HDAC8: variants seen among roughly 807,000 people sequenced by gnomAD.
The protein encoded by HDAC8 is histone deacetylase-like 1.
In HDAC8, 1 loss-of-function variant was observed where a neutral mutation model predicts 32.2. The observed-to-expected ratio is 0.03, with a 90% CI of 0.01 to 0.15. The LOEUF (loss-of-function observed/expected upper bound fraction) is 0.15, where lower values mean the gene tolerates loss of function less well. HDAC8 is among the 10% of genes least tolerant of loss of function. The pLI, the probability that HDAC8 is intolerant of heterozygous loss-of-function variation, is 1.00. For missense variants in HDAC8, 117 were observed against 300.0 expected (o/e 0.39, Z 4.51); for synonymous variants, 108 against 113.9 (o/e 0.95, Z 0.33).
At chrX:72,503,521 T>C (rs2049291061) in intron 4 of HDAC8, among the ~76,000 whole-genome samples, 1 of 112,163 alleles carries the variant, frequency 8.9e-6, no homozygotes. Context: ...TCTCTTACAC[T>C]ATCTATAATT....
intron 9 of HDAC8, among the ~76,000 whole-genome samples, chrX:72,416,561 TA>T (rs782747884): frequency 6.7e-5 from 7 of 104,914 alleles, no homozygotes; most frequent in Non-Finnish European, 1.4e-4. Flanking sequence ...TTCATTATTA[TA>T]ACCTTCCTTC....
chrX:72,525,310 A>C (rs1358087999), intron 4 of HDAC8, among the ~76,000 whole-genome samples: 2 of 110,921 alleles, frequency 1.8e-5, no homozygotes, highest in African/African-American at 6.6e-5. Context: ...GGAGGATAAA[A>C]TCATCGCAGG....
intron 9 of HDAC8, among the ~76,000 whole-genome samples, chrX:72,389,817 C>T (rs2045564129): frequency 9.0e-6 from 1 of 111,502 alleles, no homozygotes; most frequent in Non-Finnish European, 1.9e-5. Flanking sequence ...CAGGAAGCTG[C>T]CACCCTAATA....
intron 9 of HDAC8, among the ~76,000 whole-genome samples, chrX:72,426,769 C>T (rs1046715320): frequency 4.5e-5 from 5 of 110,347 alleles, no homozygotes; most frequent in Non-Finnish European, 5.7e-5. Flanking sequence ...TGTGTTATCC[C>T]GGAATTCATA....
chrX:72,412,906 G>C (rs1264532721), intron 9 of HDAC8, among the ~76,000 whole-genome samples: 1 of 111,941 alleles, frequency 8.9e-6, no homozygotes, highest in African/African-American at 3.2e-5. Flanking sequence ...AAATATGTGA[G>C]TGTGTCTTCA....
At chrX:72,570,975 G>A (rs917190145) in intron 2 of HDAC8, among the ~76,000 whole-genome samples, 1 of 111,757 alleles carries the variant, frequency 8.9e-6, no homozygotes, top group Non-Finnish European at 1.9e-5. Context: ...CCCAGGCTGG[G>A]GTGCAGTGGC....
intron 9 of HDAC8, 40 bp downstream of exon 9, chrX:72,461,964 T>C: frequency 9.7e-7 from 1 of 1,029,924 alleles, no homozygotes; most frequent in South Asian, 1.9e-5. Flanking sequence ...ACTCAGCTCT[T>C]CCCCTTAAAG....
chrX:72,432,393 G>T (rs186508991), intron 9 of HDAC8, among the ~76,000 whole-genome samples: 2 of 110,874 alleles, frequency 1.8e-5, no homozygotes, highest in East Asian at 5.7e-4. Flanking sequence ...GGGCCCCTGA[G>T]GGTCTGGTCC....
intron 9 of HDAC8, among the ~76,000 whole-genome samples, chrX:72,430,606 C>T (rs2046785604): frequency 8.9e-6 from 1 of 112,183 alleles, no homozygotes; most frequent in African/African-American, 3.2e-5. Context: ...TTGTACTTAG[C>T]AACTTGAACA....
In HDAC8 at chrX:72,437,163, A is replaced by G. The variant is rs1238023527; in HGVS notation, c.1005+24841T>C. The stretch of plus-strand genomic sequence containing the variant: ...CTGGCTCATCTCAATGGGACTGGCT[A>G]GACAGTGGGTGCAGCCCACGGAGGG... On this transcript the variant is annotated intron_variant, in intron 9 of 10. Transcript: ENST00000373573. 7.2e-5 allele frequency among the ~76,000 whole-genome samples: 8 copies of G among 111,419 alleles called. 1 individual carries two copies. The highest frequency in any genetic ancestry group is 2.6e-4 in the African/African-American group (8 of 30,608).
At chrX:72,380,226 T>TA (rs1332612249) in intron 9 of HDAC8, among the ~76,000 whole-genome samples, 1 of 111,999 alleles carries the variant, frequency 8.9e-6, no homozygotes, top group East Asian at 2.8e-4. Flanking sequence ...CCACAACTGT[T>TA]ACCTATTACC....
At chrX:72,557,769 A>C (rs1556099698) in intron 4 of HDAC8, among the ~76,000 whole-genome samples, 1 of 111,758 alleles carries the variant, frequency 8.9e-6, no homozygotes, top group Non-Finnish European at 1.9e-5. Context: ...AAACAAACAA[A>C]AAAATACAAA....
chrX:72,533,433 A>G (rs945426451), intron 4 of HDAC8, among the ~76,000 whole-genome samples: 17 of 111,739 alleles, frequency 1.5e-4, no homozygotes, highest in Non-Finnish European at 3.2e-4. Context: ...ATTCTACCAA[A>G]CATTTAAAGT....
chrX:72,564,132 C>G (rs1162514193), intron 4 of HDAC8, among the ~76,000 whole-genome samples: 2 of 111,912 alleles, frequency 1.8e-5, no homozygotes, highest in Admixed American at 1.9e-4. Context: ...TGCACTCCAG[C>G]CTGGATGACA....
intron 4 of HDAC8, among the ~76,000 whole-genome samples, chrX:72,527,132 A>G (rs947343573): frequency 7.1e-5 from 8 of 111,892 alleles, no homozygotes; most frequent in Non-Finnish European, 1.5e-4. Context: ...TTCCAGCCTC[A>G]TCTCTTGCCA....
At chrX:72,407,268 C>T (rs918454376) in intron 9 of HDAC8, among the ~76,000 whole-genome samples, 5 of 112,182 alleles carry the variant, frequency 4.5e-5, no homozygotes, top group South Asian at 3.7e-4. Context: ...AGCTGGCCTG[C>T]GCACTGGGAG....
chrX:72,515,587 T>TGGGGGGGGGGGGGGG (rs61675419), intron 4 of HDAC8, among the ~76,000 whole-genome samples: 3 of 33,731 alleles, frequency 8.9e-5, no homozygotes, highest in South Asian at 2.4e-3. Context: ...TCAGTGTGTG[T>TGGGGGGGGGGGGGGG]GGGGGGGGGG....
In HDAC8 at chrX:72,474,991, T is replaced by C. The variant is rs187121469; in HGVS notation, c.738-10260A>G. Among the ~76,000 whole-genome samples the C allele has an allele frequency of 2.3e-4, 26 of 111,412 alleles. 1 individual carries two copies. In the Admixed American group the frequency reaches 2.4e-3, roughly 10 times the overall value. The stretch of plus-strand genomic sequence containing the variant: ...TCAGGGCAATGGGATGCCAGAGCAA[T>C]GGTGTTATAGTCACCCTTAACCGAT... On this transcript the variant is annotated intron_variant, in intron 7 of 10. Transcript: ENST00000373573.
chrX:72,446,970 C>A (rs1569305697), intron 9 of HDAC8, among the ~76,000 whole-genome samples: 1 of 111,697 alleles, frequency 9.0e-6, no homozygotes, highest in Non-Finnish European at 1.9e-5. Context: ...CAAAAACAGT[C>A]CAAGACCAGA....
Sources: allele counts gnomAD v4.1 joint callset (sites outside exome capture counted in the v4.1 genomes callset), GRCh38; gene constraint gnomAD v4.1.1; transcripts MANE v1.5; gene names NCBI Gene and HGNC (gene_info 2026-07-23, HGNC 2026-07-21).